The following ABCA13 variants were observed in gnomAD, a reference collection of about 807,000 sequenced individuals.
ABCA13 encodes the protein ATP-binding cassette sub-family A member 13.
ABCA13 carries 476 observed loss-of-function variants against 478.7 expected under a neutral mutation model. That is an observed-to-expected ratio of 0.99 (90% CI 0.92 to 1.07). The LOEUF (loss-of-function observed/expected upper bound fraction) is 1.07, where lower values mean the gene tolerates loss of function less well. Among genes scored for constraint, ABCA13 ranks in the 50% least tolerant of loss-of-function variants. The pLI is 0.00. For missense variants in ABCA13, 6,060 were observed against 5,910.6 expected, an observed-to-expected ratio of 1.03 and a Z score of -0.83; for synonymous variants, 2,252 against 2,158.9, an observed-to-expected ratio of 1.04 and a Z score of -1.20.
rs1389484670 is a variant in ABCA13, at chr7:48,303,652, G to A, written c.9321+5165G>A. On this transcript the variant is annotated intron_variant, in intron 23 of 61. Transcript: ENST00000435803. ...AAGATCAGATAGTTATAGGTTTACG[G>A]CCTTATTTCTGGACTCTATTTTCTA... 2.6e-5 allele frequency among the ~76,000 whole-genome samples: 4 copies of A among 152,076 alleles called. No individual in the cohort carries two copies. In the East Asian group the frequency reaches 5.8e-4, roughly 22 times the overall value.
At chr7:48,406,323 C>T (rs1818253064) in intron 39 of ABCA13, among the ~76,000 whole-genome samples, 1 of 152,190 alleles carries the variant, frequency 6.6e-6, no homozygotes, top group South Asian at 2.1e-4. Context: ...CAGAAATGAT[C>T]AAATGCTTCT....
chr7:48,278,812 T>G lies in ABCA13; in HGVS notation c.7618T>G (p.Phe2540Val). 1.2e-6 allele frequency: 2 copies of G among 1,613,932 alleles called. No homozygotes were observed. The highest frequency in any genetic ancestry group is 2.2e-5 in the East Asian group (1 of 44,870). ...AGTTTCGGGGAAGATGTCCACAGTT[T>G]TTAAAACTCATTTTATCTCCAATAC... ...KKVSGKMSTV[F>V]KTHFISNTKD... Residue 2540 changes from phenylalanine (F) to valine (V), a missense_variant, in exon 18 of 62, where the codon TTT becomes GTT. Coordinates refer to ENST00000435803, the MANE Select transcript of ABCA13 (RefSeq NM_152701.5).
At position 48,645,443 on chromosome 7, in the gene ABCA13, G is replaced by A; in HGVS notation, c.15108G>A (p.Gln5036=). ...TATTTATTAATTTTGCTTCTGAGCA[G>A]CAGCAAACTCTACAATCTACTCTTG... is the stretch of plus-strand genomic sequence containing the variant. ...EQVFINFASE[Q]QQTLQSTLDP... Residue 5036 remains glutamine, a synonymous_variant, in exon 62 of 62, where the codon CAG becomes CAA. Transcript: ENST00000435803. 2 of 1,581,100 alleles carry A rather than the reference G, an allele frequency of 1.3e-6. No homozygotes were observed. The highest frequency in any genetic ancestry group is 1.7e-6 in the Non-Finnish European group (2 of 1,162,188).
chr7:48,558,051 A>G (rs1280666751), intron 55 of ABCA13, among the ~76,000 whole-genome samples: 2 of 150,572 alleles, frequency 1.3e-5, no homozygotes, highest in African/African-American at 2.5e-5. Flanking sequence ...AAGCTCATCA[A>G]TTCTTTCTTC....
intron 58 of ABCA13, among the ~76,000 whole-genome samples, chr7:48,599,250 G>T (rs983317360): frequency 6.6e-6 from 1 of 151,628 alleles, no homozygotes. Context: ...ATTTTTAAGA[G>T]ATTTTTTTTT....
Position 48,229,859 on chromosome 7 carries a change from C to A in ABCA13, c.667C>A (p.Pro223Thr). The change falls in exon 7 of 62, where the codon CCA becomes ACA. Residue 223 changes from proline to threonine, a missense_variant. This residue lies in a region of ABCA13 where 4,423 missense variants were observed against 4,309.1 expected (regional missense o/e 1.03). Coordinates refer to ENST00000435803, the MANE Select transcript of ABCA13 (RefSeq NM_152701.5). ...ATCCCTAGAAGATTTAGATTGGCTT[C>A]CACTCAACCAAACTTTTTCCCAGGT... ...LISLEDLDWL[P>T]LNQTFSQVSE... The A allele has an allele frequency of 1.2e-6, 2 of 1,613,982 alleles. No homozygotes were observed. Among genetic ancestry groups the A allele is most frequent in the Non-Finnish European group, 1.7e-6 (2 of 1,179,878 alleles).
At chr7:48,184,956 C>G (rs1196484914) in intron 1 of ABCA13, among the ~76,000 whole-genome samples, 1 of 152,154 alleles carries the variant, frequency 6.6e-6, no homozygotes, top group Non-Finnish European at 1.5e-5. Flanking sequence ...CTGCCTCAGC[C>G]CCCCAAGTAG....
chr7:48,337,013 A>G (rs970867492), intron 28 of ABCA13, among the ~76,000 whole-genome samples: 3 of 152,342 alleles, frequency 2.0e-5, no homozygotes, highest in Middle Eastern at 3.4e-3. Context: ...TGTGAAGTCT[A>G]TGGTGTACCT....
chr7:48,615,459 G>A, intron 59 of ABCA13, 82 bp downstream of exon 59: 1 of 1,268,964 alleles, frequency 7.9e-7, no homozygotes, highest in Non-Finnish European at 1.1e-6. Context: ...AGATGCTTTA[G>A]AGGCAAGTAT....
chr7:48,373,032 G>A (rs1026081982), intron 33 of ABCA13, among the ~76,000 whole-genome samples: 9 of 152,278 alleles, frequency 5.9e-5, no homozygotes, highest in African/African-American at 1.7e-4. Context: ...GCTGGCAAGC[G>A]CAGTGCCTGA....
intron 50 of ABCA13, among the ~76,000 whole-genome samples, chr7:48,510,550 C>T (rs1484942615): frequency 6.6e-6 from 1 of 152,210 alleles, no homozygotes; most frequent in Non-Finnish European, 1.5e-5. Context: ...ATATGCATGA[C>T]AGTAGTAGTC....
chr7:48,532,886 T>C (rs541198629), intron 55 of ABCA13, among the ~76,000 whole-genome samples: 1 of 152,224 alleles, frequency 6.6e-6, no homozygotes, highest in Admixed American at 6.5e-5. Flanking sequence ...TATTTGAATC[T>C]TCTCTCTTCT....
At chr7:48,176,660 C>G (rs1471233068) in intron 1 of ABCA13, among the ~76,000 whole-genome samples, 1 of 152,132 alleles carries the variant, frequency 6.6e-6, no homozygotes. Flanking sequence ...CATCCCTCCA[C>G]CAGCATTAGA....
intron 19 of ABCA13, among the ~76,000 whole-genome samples, chr7:48,282,373 A>C (rs555048462): frequency 6.6e-6 from 1 of 152,316 alleles, no homozygotes; most frequent in Admixed American, 6.5e-5. Flanking sequence ...CCTCTGGCCC[A>C]GTCTCCTGAG....
intron 39 of ABCA13, among the ~76,000 whole-genome samples, chr7:48,409,363 C>T (rs1163017393): frequency 1.3e-5 from 2 of 152,156 alleles, no homozygotes; most frequent in African/African-American, 2.4e-5. Context: ...AAGCAAAAGT[C>T]GTAAAACTTG....
At chr7:48,231,222 G>A (rs934964824) in intron 7 of ABCA13, among the ~76,000 whole-genome samples, 2 of 150,274 alleles carry the variant, frequency 1.3e-5, no homozygotes, top group African/African-American at 4.9e-5. Flanking sequence ...TTTAGTAAAG[G>A]AGAGAGATAT....
At chr7:48,579,847 T>C (rs1199436770) in intron 55 of ABCA13, among the ~76,000 whole-genome samples, 2 of 152,144 alleles carry the variant, frequency 1.3e-5, no homozygotes, top group Non-Finnish European at 2.9e-5. Context: ...AGTTCAGAGT[T>C]TTCTGGGAAA....
At chr7:48,230,078 G>A (rs1340337078) in intron 7 of ABCA13, 123 bp downstream of exon 7, 5 of 1,236,874 alleles carry the variant, frequency 4.0e-6, no homozygotes, top group African/African-American at 3.1e-5. Context: ...ATTCAAAAAA[G>A]TATGAATTGT....
chr7:48,291,526 T>C (rs961084073), intron 20 of ABCA13, among the ~76,000 whole-genome samples: 16 of 152,156 alleles, frequency 1.1e-4, no homozygotes, highest in African/African-American at 3.1e-4. Flanking sequence ...TCTGATTGAC[T>C]GGGTCCTGCC....
Sources: allele counts gnomAD v4.1 joint callset (sites outside exome capture counted in the v4.1 genomes callset), GRCh38; gene constraint gnomAD v4.1.1; regional missense constraint gnomAD v4.1.1; transcripts MANE v1.5; gene names NCBI Gene and HGNC (gene_info 2026-07-23, HGNC 2026-07-21).